Variants in CAPRIN1 observed in about 807,000 individuals in gnomAD.
CAPRIN1 encodes the protein caprin-1.
Under a neutral mutation model 100.9 loss-of-function variants are expected in CAPRIN1, and 29 were observed. The observed-to-expected ratio is 0.29, with a 90% CI of 0.21 to 0.39. The LOEUF is 0.39. CAPRIN1 is among the 10% of genes least tolerant of loss of function. The pLI is 1.00. For synonymous variants in CAPRIN1, 338 were observed against 307.5 expected (o/e 1.10, Z -1.04); for missense variants, 795 against 876.7 (o/e 0.91, Z 1.18).
intron 6 of CAPRIN1, among the ~76,000 whole-genome samples, chr11:34,076,921 G>C (rs1850919711): frequency 6.6e-6 from 1 of 151,936 alleles, no homozygotes; most frequent in Admixed American, 6.6e-5. Context: ...TTTTAGTAGA[G>C]ACAGGGTTTC....
Position 34,096,552 on chromosome 11 carries a change from G to A in CAPRIN1, c.1779G>A (p.Gln593=). ...GTAACCACCAGCAGCCTCCTCAGCA[G>A]AACACTGGATTTCCACGTAGCAATC... is the stretch of plus-strand genomic sequence containing the variant. The part of the protein sequence containing the change: ...VTGNHQQPPQ[Q]NTGFPRSNQP... Residue 593 remains glutamine (Q), a synonymous_variant, in exon 16 of 19, where the codon CAG becomes CAA. Transcript: ENST00000341394. 5.0e-6 allele frequency: 8 copies of A among 1,614,094 alleles called. No homozygotes were observed. The highest frequency in any genetic ancestry group is 5.1e-6 in the Non-Finnish European group (6 of 1,180,002).
intron 14 of CAPRIN1, 56 bp downstream of exon 14, chr11:34,090,734 T>G: frequency 6.6e-7 from 1 of 1,521,832 alleles, no homozygotes; most frequent in Non-Finnish European, 9.1e-7. Flanking sequence ...CATGGTAGAT[T>G]TTCTTTTCTT....
At chr11:34,064,711 A>G (rs1344391376) in intron 2 of CAPRIN1, among the ~76,000 whole-genome samples, 1 of 152,234 alleles carries the variant, frequency 6.6e-6, no homozygotes. Context: ...ATTTAACAAA[A>G]GTACTACTTA....
chr11:34,096,474 T>C lies in CAPRIN1; in HGVS notation c.1706-5T>C, dbSNP rs1851369021. On this transcript the variant is annotated splice_polypyrimidine_tract_variant and splice_region_variant and intron_variant, in intron 15 of 18. Coordinates refer to ENST00000341394, the MANE Select transcript of CAPRIN1 (RefSeq NM_005898.5). ...GTATATATCTTTTTCTTTTTTAAAT[T>C]ATAGTGGTTGGCACTTACCATGGTT... 1 of 1,610,628 alleles carries C rather than the reference T, an allele frequency of 6.2e-7. No homozygotes were observed. The highest frequency in any genetic ancestry group is 1.7e-5 in the Admixed American group (1 of 59,710).
At chr11:34,079,963 G>A (rs566068055) in intron 7 of CAPRIN1, among the ~76,000 whole-genome samples, 198 bp downstream of exon 7, 1 of 135,390 alleles carries the variant, frequency 7.4e-6, no homozygotes, top group East Asian at 2.1e-4. Flanking sequence ...TCGCTCTGTT[G>A]CCCAGGCTGG....
At chr11:34,076,736 GTTTTT>G in intron 6 of CAPRIN1, 94 bp downstream of exon 6, 2 of 667,960 alleles carry the variant, frequency 3.0e-6, no homozygotes, top group Non-Finnish European at 5.0e-6. Context: ...AAAAAAATTA[GTTTTT>G]TTTTTTTTTT....
intron 2 of CAPRIN1, chr11:34,063,217 C>T (rs1268520484): frequency 6.6e-6 from 1 of 152,106 alleles, no homozygotes; most frequent in Non-Finnish European, 1.5e-5. Context: ...TTCAGCACAA[C>T]ATAATAATCT....
At chr11:34,092,466 C>A (rs1381920024) in intron 15 of CAPRIN1, among the ~76,000 whole-genome samples, 2 of 151,790 alleles carry the variant, frequency 1.3e-5, no homozygotes, top group Non-Finnish European at 2.9e-5. Flanking sequence ...AAGCAATCCT[C>A]CCTACCTCAG....
At chr11:34,065,061 A>G (rs1565085125) in intron 2 of CAPRIN1, among the ~76,000 whole-genome samples, 8 of 136,886 alleles carry the variant, frequency 5.8e-5, no homozygotes, top group Non-Finnish European at 3.0e-5. Flanking sequence ...CCGGGTTCTC[A>G]CCTTTCTCCT....
At chr11:34,099,252 CA>C in intron 18 of CAPRIN1, 50 bp from the exon 19 acceptor site, 1 of 1,600,774 alleles carries the variant, frequency 6.2e-7, no homozygotes, top group Non-Finnish European at 8.6e-7. Context: ...TGCTTGAAGG[CA>C]AAACAAATAA....
chr11:34,052,339 C>G, intron 1 of CAPRIN1, 82 bp from the exon 2 acceptor site: 1 of 1,148,852 alleles, frequency 8.7e-7, no homozygotes, highest in Non-Finnish European at 1.3e-6. Flanking sequence ...GCGTTTTGTC[C>G]CGCGTCTCGC....
chr11:34,068,742 C>T (rs894302449), intron 2 of CAPRIN1, among the ~76,000 whole-genome samples: 4 of 152,196 alleles, frequency 2.6e-5, no homozygotes, highest in African/African-American at 9.6e-5. Flanking sequence ...AAAAGGAACA[C>T]AGCTCTGGCT....
At chr11:34,067,568 C>T (rs1850724142) in intron 2 of CAPRIN1, among the ~76,000 whole-genome samples, 1 of 151,238 alleles carries the variant, frequency 6.6e-6, no homozygotes, top group South Asian at 2.1e-4. Context: ...TCGTGCACAT[C>T]ACGACTTCCG....
intron 9 of CAPRIN1, among the ~76,000 whole-genome samples, chr11:34,083,272 T>C (rs540918685): frequency 1.4e-3 from 220 of 152,360 alleles, no homozygotes; most frequent in African/African-American, 5.2e-3. Context: ...TACAAAGTTA[T>C]CTGTGGATTA....
intron 2 of CAPRIN1, among the ~76,000 whole-genome samples, chr11:34,067,406 T>G (rs2134098159): frequency 6.6e-6 from 1 of 152,318 alleles, no homozygotes; most frequent in East Asian, 1.9e-4. Flanking sequence ...AAAATCTCAG[T>G]TATTGGATTG....
chr11:34,070,927 C>T (rs1850794035), intron 2 of CAPRIN1, among the ~76,000 whole-genome samples: 1 of 151,980 alleles, frequency 6.6e-6, no homozygotes, highest in Non-Finnish European at 1.5e-5. Flanking sequence ...GTCTCGAGCT[C>T]CTGACCTCAG....
rs911720049 is a variant in CAPRIN1, at chr11:34,086,757, T to G, written c.1231+344T>G. 3.3e-5 allele frequency among the ~76,000 whole-genome samples: 5 copies of G among 152,214 alleles called. No individual in the cohort carries two copies. The East Asian group carries it at 9.6e-4, about 29-fold the overall frequency. ...GTTTCCTTTCAATCACTAGTTACCC[T>G]CACCCCTAGCGATAGCAACCACTTC... On this transcript the variant is annotated intron_variant, in intron 11 of 18. Transcript: ENST00000341394.
At chr11:34,096,808 A>G (rs146401670) in intron 16 of CAPRIN1, 135 bp downstream of exon 16, 226 of 626,204 alleles carry the variant, frequency 3.6e-4, no homozygotes, top group East Asian at 1.7e-4. Flanking sequence ...AACAATGTAT[A>G]TTTTGGTACA....
intron 18 of CAPRIN1, chr11:34,098,430 A>T (rs899596664): frequency 2.0e-6 from 2 of 985,314 alleles, no homozygotes; most frequent in Non-Finnish European, 1.2e-6. Context: ...GCAGGAAGTT[A>T]ACCTATTTAA....
Sources: gnomAD v4.1 joint callset for allele counts (sites outside exome capture counted in the v4.1 genomes callset) on GRCh38, gnomAD v4.1.1 for gene constraint, MANE v1.5 for transcripts, NCBI Gene and HGNC (gene_info 2026-07-23, HGNC 2026-07-21) for gene names.